Variants in SOX6 observed in about 807,000 individuals in gnomAD.
SOX6 encodes SRY-box transcription factor 6.
SOX6 carries 11 observed loss-of-function variants against 97.8 expected under a neutral mutation model. The observed-to-expected ratio is 0.11, with a 90% CI of 0.07 to 0.19. The LOEUF is 0.19. Ranked by LOEUF, SOX6 falls within the 10% of genes least tolerant of loss-of-function variation. The pLI is 1.00. For missense variants in SOX6, 810 were observed against 1,039.5 expected, an observed-to-expected ratio of 0.78 and a Z score of 3.04; for synonymous variants, 360 against 371.4, an observed-to-expected ratio of 0.97 and a Z score of 0.35.
intron 13 of SOX6, among the ~76,000 whole-genome samples, chr11:16,001,244 G>T (rs1271440743): frequency 6.6e-6 from 1 of 152,084 alleles, no homozygotes; most frequent in Non-Finnish European, 1.5e-5. Flanking sequence ...CTAGGCCAGA[G>T]GTCAGTTTCT....
chr11:16,257,508 A>T (rs1405958033), intron 3 of SOX6, among the ~76,000 whole-genome samples: 1 of 151,964 alleles, frequency 6.6e-6, no homozygotes, highest in Non-Finnish European at 1.5e-5. Context: ...ATTTATGTGC[A>T]AAAGGAGGAG....
chr11:16,153,712 G>A (rs1254090121), intron 6 of SOX6, among the ~76,000 whole-genome samples: 2 of 152,050 alleles, frequency 1.3e-5, no homozygotes, highest in East Asian at 1.9e-4. Flanking sequence ...ACTTCCAGTT[G>A]CCACTTCTGC....
chr11:16,705,038 A>ACCTCAGCCTGAT (rs1338164450), intron 3 of SOX6, among the ~76,000 whole-genome samples: 1 of 151,738 alleles, frequency 6.6e-6, no homozygotes, highest in African/African-American at 2.4e-5. Flanking sequence ...CGGGTGGATC[A>ACCTCAGCCTGAT]CCTGAGGTCA....
upstream of SOX6, among the ~76,000 whole-genome samples, chr11:16,481,133 GTTA>G (rs1405101231): frequency 6.6e-6 from 1 of 151,932 alleles, no homozygotes; most frequent in East Asian, 1.9e-4. Context: ...ATTCTTCACT[GTTA>G]TTATCACTTT....
intron 1 of SOX6, among the ~76,000 whole-genome samples, chr11:16,376,703 T>C (rs1437781520): frequency 6.6e-6 from 1 of 152,146 alleles, no homozygotes; most frequent in Non-Finnish European, 1.5e-5. Context: ...TGGTCATCAC[T>C]GAAACTCATG....
intron 3 of SOX6, among the ~76,000 whole-genome samples, chr11:16,637,006 C>G (rs1016052042): frequency 2.6e-5 from 4 of 152,062 alleles, no homozygotes; most frequent in African/African-American, 9.7e-5. Flanking sequence ...CTAATTATGT[C>G]CCCTTTTCCT....
intron 6 of SOX6, among the ~76,000 whole-genome samples, chr11:16,152,937 G>A (rs1850496526): frequency 6.6e-6 from 1 of 151,774 alleles, no homozygotes; most frequent in African/African-American, 2.4e-5. Flanking sequence ...CGCTATCTCG[G>A]CTCACAGCAA....
chr11:16,166,297 C>A (rs1020455034), intron 6 of SOX6, among the ~76,000 whole-genome samples: 3 of 152,000 alleles, frequency 2.0e-5, no homozygotes, highest in African/African-American at 7.2e-5. Context: ...AAAGATCAAA[C>A]CAAATCCTAA....
intron 6 of SOX6, among the ~76,000 whole-genome samples, chr11:16,117,810 A>G (rs1385018721): frequency 2.0e-5 from 3 of 152,130 alleles, no homozygotes; most frequent in Non-Finnish European, 4.4e-5. Flanking sequence ...CCGTTTTCCC[A>G]TTTGGTGACA....
intron 7 of SOX6, among the ~76,000 whole-genome samples, chr11:16,107,645 G>A (rs1849129261): frequency 6.6e-6 from 1 of 151,772 alleles, no homozygotes; most frequent in Non-Finnish European, 1.5e-5. Context: ...TAGAGGGATA[G>A]AGAGAGTTAT....
chr11:16,325,228 CAAGGA>C (rs1209105567), intron 2 of SOX6, among the ~76,000 whole-genome samples: 4 of 151,772 alleles, frequency 2.6e-5, no homozygotes, highest in Non-Finnish European at 4.4e-5. Context: ...AATTTATTCA[CAAGGA>C]AAGATGTATT....
chr11:16,074,863 C>T (rs1392603125), intron 9 of SOX6, among the ~76,000 whole-genome samples: 1 of 152,068 alleles, frequency 6.6e-6, no homozygotes, highest in African/African-American at 2.4e-5. Flanking sequence ...GATATAGAAA[C>T]ATCTATTTTA....
intron 1 of SOX6, among the ~76,000 whole-genome samples, chr11:16,426,804 C>G (rs1218207380): frequency 3.4e-5 from 5 of 145,596 alleles, no homozygotes; most frequent in Non-Finnish European, 7.5e-5. Flanking sequence ...GTCCCAGCTA[C>G]TTGGGAGGCT....
intron 1 of SOX6, among the ~76,000 whole-genome samples, chr11:16,415,258 A>C (rs189745256): frequency 1.3e-5 from 2 of 152,158 alleles, no homozygotes; most frequent in Admixed American, 1.3e-4. Flanking sequence ...AAATATAACT[A>C]TTTGTTTAGT....
chr11:16,143,302 G>A (rs1012705084), intron 6 of SOX6, among the ~76,000 whole-genome samples: 68 of 152,192 alleles, frequency 4.5e-4, no homozygotes, highest in South Asian at 6.2e-4. Context: ...AGCAAATGCT[G>A]AGAGATTTTG....
At chr11:16,276,144 T>C (rs568730625) in intron 3 of SOX6, among the ~76,000 whole-genome samples, 24 of 152,100 alleles carry the variant, frequency 1.6e-4, no homozygotes, top group Middle Eastern at 6.8e-3. Context: ...AAAGTCTAAG[T>C]CCAAACTTAC....
intron 4 of SOX6, among the ~76,000 whole-genome samples, chr11:16,611,223 T>C (rs1343237603): frequency 2.0e-5 from 3 of 152,232 alleles, no homozygotes; most frequent in African/African-American, 7.2e-5. Flanking sequence ...GACAAGGCAA[T>C]TAATTCTGCT....
chr11:16,052,539 C>G (rs148415498), intron 10 of SOX6, among the ~76,000 whole-genome samples: 23 of 152,160 alleles, frequency 1.5e-4, no homozygotes, highest in African/African-American at 5.3e-4. Flanking sequence ...TTTTTACTTT[C>G]TTATCTACTA....
chr11:16,697,209 G>C (rs938433304), intron 3 of SOX6, among the ~76,000 whole-genome samples: 4 of 152,022 alleles, frequency 2.6e-5, no homozygotes, highest in Non-Finnish European at 5.9e-5. Context: ...CTGAAGTCTT[G>C]AGCCCCTCAA....
Sources: gnomAD v4.1 joint callset for allele counts (sites outside exome capture counted in the v4.1 genomes callset) on GRCh38, gnomAD v4.1.1 for gene constraint, MANE v1.5 for transcripts, NCBI Gene and HGNC (gene_info 2026-07-23, HGNC 2026-07-21) for gene names.